The following ERCC6 variants were observed in gnomAD, a reference collection of about 807,000 sequenced individuals.
ERCC6 encodes the protein ERCC excision repair 6, chromatin remodeling factor.
A neutral mutation model predicts 158.7 loss-of-function variants in ERCC6; 116 were observed. That is an observed-to-expected ratio of 0.73 (90% CI 0.63 to 0.85). The LOEUF is 0.85. ERCC6 is among the 40% of genes least tolerant of loss of function. The probability of loss-of-function intolerance (pLI) is 0.00; values close to 1 mark genes in which losing one functional copy is unlikely to be tolerated. For synonymous variants in ERCC6, 678 were observed against 659.3 expected (o/e 1.03, Z -0.43); for missense variants, 1,698 against 1,799.4 (o/e 0.94, Z 1.02).
At chr10:49,472,655 GA>G in intron 15 of ERCC6, 185 bp from the exon 16 acceptor site, 1 of 740,562 alleles carries the variant, frequency 1.4e-6, no homozygotes, top group Admixed American at 2.4e-5. Context: ...ATCTCTACTT[GA>G]AAAAATGTTT....
At chr10:49,531,991 A>G (rs925909809) in intron 2 of ERCC6, among the ~76,000 whole-genome samples, 1 of 152,184 alleles carries the variant, frequency 6.6e-6, no homozygotes, top group African/African-American at 2.4e-5. Context: ...GCTATGCTCA[A>G]AACAGCTCAA....
At chr10:49,507,610 A>T (rs754545276) in intron 5 of ERCC6, among the ~76,000 whole-genome samples, 4 of 152,156 alleles carry the variant, frequency 2.6e-5, no homozygotes, top group Non-Finnish European at 5.9e-5. Context: ...TTACAAATTT[A>T]GTTAAATGCA....
rs756713165 is a variant in ERCC6 at position 49,482,819 on chromosome 10, T to C, written c.2037A>G (p.Gln679=). The C allele has an allele frequency of 1.4e-5, 23 of 1,613,952 alleles. No individual in the cohort carries two copies. In the Admixed American group the frequency reaches 2.2e-4, roughly 15 times the overall value. Residue 679 remains glutamine, a synonymous_variant, in exon 10 of 21, where the codon CAA becomes CAG. Transcript: ENST00000355832. ...HRIILSGSPM[Q]NNLRELWSLF... ...GCGACCACAGCTCTCGGAGGTTATT[T>C]TGCATCGGTGAGCCAGACAGAATGA...
intron 5 of ERCC6, among the ~76,000 whole-genome samples, chr10:49,517,804 A>C (rs111242827): frequency 0.024 from 3,610 of 152,182 alleles, 155 homozygotes; most frequent in African/African-American, 0.081. Context: ...TTGGCCTCCT[A>C]AAGTGCTGGG....
intron 6 of ERCC6, chr10:49,502,431 C>T (rs1361016019): frequency 6.6e-6 from 1 of 152,156 alleles, no homozygotes; most frequent in African/African-American, 2.4e-5. Flanking sequence ...GGTATGTAAT[C>T]AGAGAATAAT....
intron 6 of ERCC6, chr10:49,504,647 T>C (rs569615395): frequency 2.0e-5 from 3 of 152,276 alleles, no homozygotes; most frequent in East Asian, 1.9e-4. Context: ...AGAATCACTG[T>C]AGAGAAAACA....
At position 49,482,868 on chromosome 10, in the gene ERCC6, T is replaced by C. The variant is rs372591901; in HGVS notation, c.1993-5A>G. On this transcript the variant is annotated splice_region_variant and splice_polypyrimidine_tract_variant and intron_variant, in intron 9 of 20. Coordinates refer to ENST00000355832, the MANE Select transcript of ERCC6 (RefSeq NM_000124.4). ...GATCCGATGAGGGGTGCGAAACTAT[T>C]TGAGGAAAGGAAGCACCTTTTTATT... 8.1e-6 allele frequency: 13 copies of C among 1,613,946 alleles called. No individual in the cohort carries two copies. The highest frequency in any genetic ancestry group is 2.7e-5 in the African/African-American group (2 of 74,900).
chr10:49,528,673 T>A, intron 3 of ERCC6, 148 bp from the exon 4 acceptor site: 1 of 1,027,434 alleles, frequency 9.7e-7, no homozygotes, highest in African/African-American at 1.6e-5. Context: ...TTACTATTAC[T>A]AGAGAGCCCT....
chr10:49,456,143 A>T lies in ERCC6; in HGVS notation c.*2672T>A, dbSNP rs1474038145. Reference sequence around the variant, plus strand: ...TAATTGCTATAATAGACTTCAAAAGACAGTAGCTTAAGCAAGTCAGTATTT... The same window carrying T: ...TAATTGCTATAATAGACTTCAAAAGTCAGTAGCTTAAGCAAGTCAGTATTT... On this transcript the variant is annotated 3_prime_UTR_variant, in exon 21 of 21. Coordinates refer to ENST00000355832, the MANE Select transcript of ERCC6 (RefSeq NM_000124.4). The T allele has an allele frequency of 1.3e-5, 2 of 152,232 alleles. No homozygotes were observed. Among genetic ancestry groups the T allele is most frequent in the Non-Finnish European group, 2.9e-5 (2 of 68,034 alleles). 9.4% of individuals were successfully genotyped at this position (152,232 alleles called of 1,614,324 possible).
At chr10:49,515,629 G>C in intron 5 of ERCC6, 1 of 1,614,058 alleles carries the variant, frequency 6.2e-7, no homozygotes, top group South Asian at 1.1e-5. Flanking sequence ...CAAGCATTTT[G>C]TAAGACCAGT....
At chr10:49,534,345 A>C (rs1322951768) in intron 1 of ERCC6, among the ~76,000 whole-genome samples, 1 of 152,242 alleles carries the variant, frequency 6.6e-6, no homozygotes, top group African/African-American at 2.4e-5. Context: ...TTAAAGGCAC[A>C]TGACCTTTGT....
At chr10:49,483,581 A>G in intron 8 of ERCC6, 65 bp from the exon 9 acceptor site, 1 of 1,485,724 alleles carries the variant, frequency 6.7e-7, no homozygotes, top group Non-Finnish European at 9.4e-7. Flanking sequence ...CAATCATGAC[A>G]CAATCTAAAG....
At chr10:49,444,382 C>T in the ERCC6 span, among the ~76,000 whole-genome samples, 1 of 152,210 alleles carries the variant, frequency 6.6e-6, no homozygotes, top group African/African-American at 2.4e-5. Flanking sequence ...ATATATCAAA[C>T]ATAGCTAAGA....
Position 49,467,880 on chromosome 10 carries a change from T to C in ERCC6, c.3778+2302A>G, listed in dbSNP as rs999400054. The stretch of plus-strand genomic sequence containing the variant: ...ACCACACCCAGCCAGTAATTTTTTA[T>C]TGGGTTCCAGACATTGTGAATTTCA... On this transcript the variant is annotated intron_variant, in intron 18 of 20. Transcript: ENST00000355832. Among the ~76,000 whole-genome samples the C allele has an allele frequency of 5.9e-5, 9 of 152,242 alleles. No individual in the cohort carries two copies. In the South Asian group the frequency reaches 1.5e-3, roughly 25 times the overall value.
At chr10:49,443,035 G>A in the ERCC6 span, among the ~76,000 whole-genome samples, 1 of 152,136 alleles carries the variant, frequency 6.6e-6, no homozygotes, top group Non-Finnish European at 1.5e-5. Flanking sequence ...GCCAATGAGG[G>A]TGTAAAATGT....
At position 49,474,143 on chromosome 10, in the gene ERCC6, C is replaced by A. The variant is rs1850833079; in HGVS notation, c.2482G>T (p.Glu828Ter). ...NLKGLPDDEL[E>*]EDQFGYWKRS... ...TTCCAGTACCCAAACTGATCTTCTT[C>A]TAGTTCATCATCAGGAAGACCTTTG... The change falls in exon 13 of 21, where the codon GAA (glutamate) becomes TAA (stop). Residue 828 changes from glutamate (E) to a stop codon, truncating the protein, a stop_gained. Transcript: ENST00000355832. LOFTEE classifies it high-confidence loss of function. The A allele has an allele frequency of 6.2e-7, 1 of 1,614,000 alleles. No individual in the cohort carries two copies.
In ERCC6 at chr10:49,532,696, A is replaced by C; in HGVS notation, c.269T>G (p.Leu90Arg). The change falls in exon 2 of 21, where the codon CTT (leucine) becomes CGT (arginine). Residue 90 changes from leucine to arginine, a missense_variant. Transcript: ENST00000355832. ...GTCCACACCCAAACCCTGCAGCTCA[A>C]GGGCCTGGGCGCTAGGCTCTACTGC... ...IQAVEPSAQA[L>R]ELQGLGVDVY... 6.2e-7 allele frequency: 1 copy of C among 1,614,204 alleles called. No individual in the cohort carries two copies. Among genetic ancestry groups the C allele is most frequent in the Non-Finnish European group, 8.5e-7 (1 of 1,180,030 alleles).
chr10:49,481,872 G>A lies in ERCC6; in HGVS notation c.2169+815C>T, dbSNP rs146553674. Among the ~76,000 whole-genome samples, 18 of 152,244 alleles carry A rather than the reference G, an allele frequency of 1.2e-4. 1 individual carries two copies. The highest frequency in any genetic ancestry group is 4.1e-4 in the African/African-American group (17 of 41,540). On this transcript the variant is annotated intron_variant, in intron 10 of 20. Transcript: ENST00000355832. ...GACCACCACCCAAGATCAGGTCCAG[G>A]TCCTCATGGCCCTCACCCCAGTGGT...
At chr10:49,438,920 T>C in the ERCC6 span, among the ~76,000 whole-genome samples, 4 of 152,210 alleles carry the variant, frequency 2.6e-5, no homozygotes, top group African/African-American at 9.7e-5. Flanking sequence ...GTCTCACATC[T>C]AGGTCACGCT....
Sources: gnomAD v4.1 joint callset for allele counts (sites outside exome capture counted in the v4.1 genomes callset) on GRCh38, gnomAD v4.1.1 for gene constraint, MANE v1.5 for transcripts, NCBI Gene and HGNC (gene_info 2026-07-23, HGNC 2026-07-21) for gene names.